The following TCF12 variants were observed in gnomAD, a reference collection of about 807,000 sequenced individuals.
TCF12 encodes the protein DNA-binding protein HTF4.
TCF12 carries 45 observed loss-of-function variants against 86.0 expected under a neutral mutation model. That is an observed-to-expected ratio of 0.52 (90% CI 0.41 to 0.67). The LOEUF (loss-of-function observed/expected upper bound fraction) is 0.67, where lower values mean the gene tolerates loss of function less well. TCF12 is among the 30% of genes least tolerant of loss of function. The pLI is 0.00. For missense variants in TCF12, 881 were observed against 859.9 expected, an observed-to-expected ratio of 1.02 and a Z score of -0.31; for synonymous variants, 330 against 299.6, an observed-to-expected ratio of 1.10 and a Z score of -1.05.
chr15:57,272,072 G>A (rs1239041680), intron 18 of TCF12, among the ~76,000 whole-genome samples: 1 of 152,078 alleles, frequency 6.6e-6, no homozygotes, highest in Non-Finnish European at 1.5e-5. Context: ...GTATGTATGT[G>A]ATCTTTCATG....
Position 57,091,769 on chromosome 15 carries a change from T to A in TCF12, c.223-20T>A, listed in dbSNP as rs1358532530. 2 of 1,588,160 alleles carry A rather than the reference T, an allele frequency of 1.3e-6. No homozygotes were observed. Among genetic ancestry groups the A allele is most frequent in the Non-Finnish European group, 1.7e-6 (2 of 1,156,926 alleles). ...CTGCCAAATAATCTCTTTAATACTC[T>A]GATCTTTTTCTCCCCCTAGGGTTTT... is the stretch of plus-strand genomic sequence containing the variant. On this transcript the variant is annotated intron_variant, in intron 4 of 20. Coordinates refer to ENST00000333725, the MANE Select transcript of TCF12 (RefSeq NM_207037.2).
At chr15:56,948,340 C>T (rs190557208) in intron 3 of TCF12, among the ~76,000 whole-genome samples, 29 of 152,200 alleles carry the variant, frequency 1.9e-4, no homozygotes, top group African/African-American at 6.3e-4. Flanking sequence ...TGAGTCTTTA[C>T]AGAAAAGCCT....
At chr15:57,257,662 TAA>T (rs71113093) in intron 16 of TCF12, among the ~76,000 whole-genome samples, 2,076 of 132,878 alleles carry the variant, frequency 0.016, 56 homozygotes, top group African/African-American at 0.046. Context: ...CCCTGTCTCT[TAA>T]AAAAAAAAAA....
chr15:57,077,656 T>C (rs1356733183), intron 4 of TCF12, among the ~76,000 whole-genome samples: 5 of 151,558 alleles, frequency 3.3e-5, no homozygotes, highest in Non-Finnish European at 7.4e-5. Context: ...GGTCTCGAAC[T>C]CCTGACCTGA....
intron 7 of TCF12, among the ~76,000 whole-genome samples, chr15:57,193,075 A>T (rs1305254491): frequency 6.6e-6 from 1 of 152,214 alleles, no homozygotes; most frequent in African/African-American, 2.4e-5. Context: ...TTTTATATAC[A>T]TTCTCATCTC....
At chr15:57,130,174 G>A (rs1265065974) in intron 5 of TCF12, among the ~76,000 whole-genome samples, 1 of 152,176 alleles carries the variant, frequency 6.6e-6, no homozygotes, top group African/African-American at 2.4e-5. Flanking sequence ...GTCTGTAACA[G>A]ATGAAAGGCT....
chr15:57,250,138 T>G (rs531807744), intron 13 of TCF12, among the ~76,000 whole-genome samples: 1 of 152,206 alleles, frequency 6.6e-6, no homozygotes, highest in Non-Finnish European at 1.5e-5. Context: ...ATGTATTTGG[T>G]ATAAACTATT....
chr15:57,162,971 C>T (rs765375724), intron 5 of TCF12, among the ~76,000 whole-genome samples: 1 of 151,940 alleles, frequency 6.6e-6, no homozygotes, highest in South Asian at 2.1e-4. Flanking sequence ...GTCAGGAGTT[C>T]GAGACCAGCC....
chr15:57,268,625 T>G (rs1374740278), intron 18 of TCF12, among the ~76,000 whole-genome samples: 2 of 152,220 alleles, frequency 1.3e-5, no homozygotes, highest in Non-Finnish European at 1.5e-5. Flanking sequence ...TTTTTGTACA[T>G]TATTTCAAGG....
At chr15:56,923,606 TATAGAAGGAA>T (rs2059886152) in intron 3 of TCF12, among the ~76,000 whole-genome samples, 1 of 152,120 alleles carries the variant, frequency 6.6e-6, no homozygotes, top group Non-Finnish European at 1.5e-5. Context: ...AAGGGCAGTG[TATAGAAGGAA>T]AGTTGGTTAA....
At chr15:57,061,736 T>C (rs1478790478) in intron 3 of TCF12, among the ~76,000 whole-genome samples, 1 of 152,214 alleles carries the variant, frequency 6.6e-6, no homozygotes, top group Non-Finnish European at 1.5e-5. Context: ...TCGAAATCAC[T>C]TACCATTATA....
intron 8 of TCF12, among the ~76,000 whole-genome samples, chr15:57,213,295 A>T (rs1457154866): frequency 1.3e-5 from 2 of 152,258 alleles, no homozygotes; most frequent in Non-Finnish European, 2.9e-5. Flanking sequence ...CTTAAAAGAT[A>T]CGTCTTTTCA....
intron 3 of TCF12, among the ~76,000 whole-genome samples, chr15:57,013,521 A>C (rs1303269639): frequency 1.3e-5 from 2 of 152,140 alleles, no homozygotes; most frequent in African/African-American, 4.8e-5. Flanking sequence ...GGGTTTCACC[A>C]TGTTGGCCAG....
chr15:57,157,154 TTATG>T (rs531295432), intron 5 of TCF12, among the ~76,000 whole-genome samples: 175 of 152,342 alleles, frequency 1.1e-3, no homozygotes, highest in Non-Finnish European at 1.7e-3. Flanking sequence ...TTATCTCAGT[TTATG>T]TAGTCCTTAG....
chr15:56,998,988 G>A (rs372190478), intron 3 of TCF12, among the ~76,000 whole-genome samples: 39 of 152,112 alleles, frequency 2.6e-4, no homozygotes, highest in African/African-American at 9.2e-4. Flanking sequence ...CATGAGGTCA[G>A]GAGATCGAGA....
At chr15:57,197,064 A>G (rs2057299778) in intron 7 of TCF12, among the ~76,000 whole-genome samples, 1 of 151,770 alleles carries the variant, frequency 6.6e-6, no homozygotes, top group Non-Finnish European at 1.5e-5. Context: ...TAAAGGAGTC[A>G]TATTATCAAC....
chr15:57,090,724 C>G (rs1366986532), intron 4 of TCF12, among the ~76,000 whole-genome samples: 2 of 152,092 alleles, frequency 1.3e-5, no homozygotes, highest in Non-Finnish European at 2.9e-5. Flanking sequence ...TGGGTGGTTT[C>G]AGGTTTCTGT....
rs145665863 is a variant in TCF12 at position 57,197,462 on chromosome 15, A to T, written c.527-311A>T. ...CCTGAGCCACCACATCCGGCCGAAC[A>T]GTTTCTTAAGAAATGTTCATTCCCT... On this transcript the variant is annotated intron_variant, in intron 7 of 20. Coordinates refer to ENST00000333725, the MANE Select transcript of TCF12 (RefSeq NM_207037.2). 2.2e-3 allele frequency among the ~76,000 whole-genome samples: 329 copies of T among 152,244 alleles called. 3 individuals carry two copies. Among genetic ancestry groups the T allele is most frequent in the African/African-American group, 7.4e-3 (309 of 41,564 alleles).
chr15:57,199,681 G>T (rs1157101159), intron 8 of TCF12, among the ~76,000 whole-genome samples: 1 of 152,130 alleles, frequency 6.6e-6, no homozygotes, highest in African/African-American at 2.4e-5. Context: ...TCTGGAACAA[G>T]TCACTGAATT....
Sources: gnomAD v4.1 joint callset for allele counts (sites outside exome capture counted in the v4.1 genomes callset) on GRCh38, gnomAD v4.1.1 for gene constraint, MANE v1.5 for transcripts, NCBI Gene and HGNC (gene_info 2026-07-23, HGNC 2026-07-21) for gene names.